DLGAP2: variants seen among roughly 807,000 people sequenced by gnomAD.
DLGAP2 encodes the protein disks large-associated protein 2.
DLGAP2 carries 26 observed loss-of-function variants against 100.3 expected under a neutral mutation model. The ratio of observed to expected loss-of-function variants is 0.26; its 90% CI spans 0.19 to 0.36. The LOEUF (loss-of-function observed/expected upper bound fraction) is 0.36, where lower values mean the gene tolerates loss of function less well. Among genes scored for constraint, DLGAP2 ranks in the 10% least tolerant of loss-of-function variants. DLGAP2 has a pLI of 1.00. For missense variants in DLGAP2, 1,858 were observed against 1,453.2 expected, an observed-to-expected ratio of 1.28 and a Z score of -4.53; for synonymous variants, 886 against 630.1, an observed-to-expected ratio of 1.41 and a Z score of -6.08.
intron 6 of DLGAP2, among the ~76,000 whole-genome samples, chr8:1,586,710 ACTG>A (rs1290061544): frequency 6.6e-6 from 1 of 152,178 alleles, no homozygotes; most frequent in African/African-American, 2.4e-5. Context: ...CCCAGATGTC[ACTG>A]GACGGACACA....
chr8:1,266,944 A>G (rs1410082651), intron 3 of DLGAP2, among the ~76,000 whole-genome samples: 1 of 152,118 alleles, frequency 6.6e-6, no homozygotes, highest in East Asian at 1.9e-4. Flanking sequence ...TGTATTAAAA[A>G]TAAAAAGGGC....
intron 3 of DLGAP2, among the ~76,000 whole-genome samples, chr8:1,279,151 C>CT (rs1799765634): frequency 6.6e-6 from 1 of 152,168 alleles, no homozygotes; most frequent in South Asian, 2.1e-4. Context: ...CAGTAGTGTG[C>CT]TTTGACAGTC....
chr8:1,161,478 G>T (rs548576206), intron 2 of DLGAP2, among the ~76,000 whole-genome samples: 3 of 152,346 alleles, frequency 2.0e-5, no homozygotes, highest in African/African-American at 7.2e-5. Flanking sequence ...TGGCCTAAGA[G>T]TGAGGGACAA....
At chr8:1,338,173 A>G (rs969866784) in intron 3 of DLGAP2, among the ~76,000 whole-genome samples, 3 of 152,244 alleles carry the variant, frequency 2.0e-5, no homozygotes, top group Non-Finnish European at 2.9e-5. Flanking sequence ...CAGTGTGTGT[A>G]TTCCTAAGCA....
At chr8:751,692 A>G (rs1052346707) in intron 1 of DLGAP2, among the ~76,000 whole-genome samples, 6 of 151,842 alleles carry the variant, frequency 4.0e-5, no homozygotes, top group African/African-American at 1.5e-4. Context: ...ACTTCATAGT[A>G]AGTCCTTATA....
intron 3 of DLGAP2, among the ~76,000 whole-genome samples, chr8:1,363,744 G>T (rs1251402565): frequency 6.6e-6 from 1 of 152,246 alleles, no homozygotes; most frequent in Non-Finnish European, 1.5e-5. Context: ...CTCCTCTCTG[G>T]TGGCTGAGAT....
chr8:786,017 C>A (rs1295383261), intron 1 of DLGAP2, among the ~76,000 whole-genome samples: 1 of 152,350 alleles, frequency 6.6e-6, no homozygotes, highest in African/African-American at 2.4e-5. Context: ...GGGCTGTGAG[C>A]CTTTTCTGCA....
At chr8:1,178,742 C>G (rs181668699) in intron 2 of DLGAP2, among the ~76,000 whole-genome samples, 2 of 152,168 alleles carry the variant, frequency 1.3e-5, no homozygotes, top group Admixed American at 6.5e-5. Context: ...CCCTTTGGCT[C>G]AGAGACAGTC....
At chr8:1,504,124 A>T (rs1799819368) in intron 4 of DLGAP2, among the ~76,000 whole-genome samples, 1 of 151,948 alleles carries the variant, frequency 6.6e-6, no homozygotes. Context: ...GTTTAAAAAC[A>T]TACCAGTGCC....
chr8:1,570,963 GA>G (rs1374548905), intron 6 of DLGAP2, among the ~76,000 whole-genome samples: 3 of 141,588 alleles, frequency 2.1e-5, no homozygotes, highest in African/African-American at 5.4e-5. Flanking sequence ...GGAGAGGAGA[GA>G]GGGGTGAACT....
In DLGAP2 at chr8:1,336,458, G is replaced by A. The variant is rs376986791; in HGVS notation, c.106+77575G>A. Among the ~76,000 whole-genome samples the A allele has an allele frequency of 5.3e-5, 8 of 152,194 alleles. No homozygotes were observed. In the South Asian group the frequency reaches 1.7e-3, roughly 31 times the overall value. On this transcript the variant is annotated intron_variant, in intron 3 of 14. Transcript: ENST00000637795. ...GGTAGAAGTCTGGGCTCTTTCCCTC[G>A]TCTTTACAGACGTCCGTTATGAGGA... is the stretch of plus-strand genomic sequence containing the variant.
chr8:1,342,581 A>G (rs1298848685), intron 3 of DLGAP2, among the ~76,000 whole-genome samples: 2 of 152,214 alleles, frequency 1.3e-5, no homozygotes, highest in East Asian at 3.8e-4. Flanking sequence ...GATTCCTGAC[A>G]GGTACAAGTG....
intron 1 of DLGAP2, 153 bp downstream of exon 1, chr8:737,978 G>A: frequency 3.0e-6 from 1 of 329,612 alleles, no homozygotes. Context: ...CGCCGGGGCC[G>A]GAGCGCTGGG....
At chr8:1,272,950 G>C (rs1044667216) in intron 3 of DLGAP2, among the ~76,000 whole-genome samples, 1 of 152,142 alleles carries the variant, frequency 6.6e-6, no homozygotes, top group African/African-American at 2.4e-5. Flanking sequence ...CTGTGCCGTG[G>C]GTTATGGAAC....
chr8:1,577,567 C>CAAAAAAA (rs10646663), intron 6 of DLGAP2, among the ~76,000 whole-genome samples: 1,635 of 105,650 alleles, frequency 0.015, 20 homozygotes, highest in Non-Finnish European at 0.022. Context: ...CACTCTCTCT[C>CAAAAAAA]AAAAAAAAAA....
intron 1 of DLGAP2, among the ~76,000 whole-genome samples, chr8:798,474 G>A (rs1318330885): frequency 6.8e-6 from 1 of 146,064 alleles, no homozygotes; most frequent in Non-Finnish European, 1.5e-5. Context: ...ACCAGGTGAT[G>A]GGTGCCTGCT....
chr8:1,410,233 C>CA (rs1381403756), intron 3 of DLGAP2, among the ~76,000 whole-genome samples: 3 of 152,152 alleles, frequency 2.0e-5, no homozygotes, highest in African/African-American at 7.2e-5. Context: ...TCACTGGCTT[C>CA]AGAGCAGAAT....
intron 3 of DLGAP2, among the ~76,000 whole-genome samples, chr8:1,420,699 G>C (rs1207276756): frequency 6.6e-6 from 1 of 152,036 alleles, no homozygotes; most frequent in East Asian, 1.9e-4. Flanking sequence ...CTCCAACCCA[G>C]TAAAGCCACT....
intron 2 of DLGAP2, among the ~76,000 whole-genome samples, chr8:1,070,564 A>G (rs537188683): frequency 1.6e-4 from 24 of 152,286 alleles, no homozygotes; most frequent in South Asian, 6.2e-4. Context: ...GCACTGTCCA[A>G]TGTCTACTCA....
Sources: allele counts gnomAD v4.1 joint callset (sites outside exome capture counted in the v4.1 genomes callset), GRCh38; gene constraint gnomAD v4.1.1; transcripts MANE v1.5; gene names NCBI Gene and HGNC (gene_info 2026-07-23, HGNC 2026-07-21).